Variants in YWHAE observed in about 807,000 individuals in gnomAD.
YWHAE encodes 14-3-3 protein epsilon.
Under a neutral mutation model 30.1 loss-of-function variants are expected in YWHAE, and 4 were observed. The observed-to-expected ratio is 0.13, with a 90% CI of 0.07 to 0.30. The LOEUF (loss-of-function observed/expected upper bound fraction) is 0.30, where lower values mean the gene tolerates loss of function less well. Among genes scored for constraint, YWHAE ranks in the 10% least tolerant of loss-of-function variants. YWHAE has a pLI of 1.00. For synonymous variants in YWHAE, 118 were observed against 111.8 expected (o/e 1.06, Z -0.35); for missense variants, 121 against 315.9 (o/e 0.38, Z 4.68).
chr17:1,366,569 G>A (rs2072946077), intron 1 of YWHAE, among the ~76,000 whole-genome samples: 1 of 152,054 alleles, frequency 6.6e-6, no homozygotes, highest in Non-Finnish European at 1.5e-5. Context: ...ATTTAAATAA[G>A]CATCCTTAGC....
rs1462331941 is a variant in YWHAE, at chr17:1,400,194, G to T, written c.-84C>A. The T allele has an allele frequency of 1.3e-6, 2 of 1,551,672 alleles. No homozygotes were observed. The highest frequency in any genetic ancestry group is 1.8e-6 in the Non-Finnish European group (2 of 1,127,496). On this transcript the variant is annotated 5_prime_UTR_variant, in exon 1 of 6. Coordinates refer to ENST00000264335, the MANE Select transcript of YWHAE (RefSeq NM_006761.5). Reference sequence around the variant, plus strand: ...TCTCTCAGCCTCTCGCTCCGCGTCCGGGCAGCAAAAATGGCGGCGCCTCAA... The same window carrying T: ...TCTCTCAGCCTCTCGCTCCGCGTCCTGGCAGCAAAAATGGCGGCGCCTCAA...
At chr17:1,379,527 C>T (rs770303808) in intron 1 of YWHAE, among the ~76,000 whole-genome samples, 2 of 151,796 alleles carry the variant, frequency 1.3e-5, no homozygotes, top group Non-Finnish European at 2.9e-5. Flanking sequence ...ATTCGAATGA[C>T]GAAAAAAACT....
rs1357591809 is a variant in YWHAE at position 1,361,199 on chromosome 17, A to G, written c.471T>C (p.Asp157=). ...NSLVAYKAAS[D]IAMTELPPTH... is the part of the protein sequence containing the mutation. ...TTGGTGGAAGTTCTGTCATTGCAAT[A>G]TCACTAGCAGCTTTATAAGCCACTA... Residue 157 remains aspartate (D), a synonymous_variant, in exon 4 of 6, where the codon GAT becomes GAC. Coordinates refer to ENST00000264335, the MANE Select transcript of YWHAE (RefSeq NM_006761.5). 6.2e-7 allele frequency: 1 copy of G among 1,613,958 alleles called. No individual in the cohort carries two copies. Among genetic ancestry groups the G allele is most frequent in the African/African-American group, 1.3e-5 (1 of 74,894 alleles).
intron 5 of YWHAE, among the ~76,000 whole-genome samples, chr17:1,349,233 C>G (rs1420809342): frequency 6.6e-6 from 1 of 151,918 alleles, no homozygotes; most frequent in Non-Finnish European, 1.5e-5. Flanking sequence ...CCCAGCAACT[C>G]AGAGAGGACG....
At chr17:1,388,115 TTG>T (rs1567983284) in intron 1 of YWHAE, among the ~76,000 whole-genome samples, 1 of 46,630 alleles carries the variant, frequency 2.1e-5, no homozygotes, top group Non-Finnish European at 3.5e-5. Context: ...TTTTTTTTGG[TTG>T]GTTTTTTTTT....
At chr17:1,348,126 A>T (rs1014244826) in intron 5 of YWHAE, 3 of 331,876 alleles carry the variant, frequency 9.0e-6, no homozygotes, top group Non-Finnish European at 1.3e-5. Flanking sequence ...CTTTGGTCTT[A>T]CTTCGTGTAA....
At chr17:1,373,604 C>G (rs1299033753) in intron 1 of YWHAE, among the ~76,000 whole-genome samples, 51 of 151,200 alleles carry the variant, frequency 3.4e-4, no homozygotes, top group Non-Finnish European at 5.5e-4. Context: ...GGAGGCGGAG[C>G]TTGTAGTGAG....
chr17:1,354,133 A>T (rs2072687742), intron 5 of YWHAE, 78 bp downstream of exon 5: 3 of 1,526,392 alleles, frequency 2.0e-6, no homozygotes, highest in African/African-American at 2.8e-5. Context: ...TATAACGACA[A>T]GCCAAGGAAT....
At position 1,393,766 on chromosome 17, in the gene YWHAE, T is replaced by G. The variant is rs1331983024; in HGVS notation, c.64+6281A>C. On this transcript the variant is annotated intron_variant, in intron 1 of 5. Transcript: ENST00000264335. ...TCTTTTTTTGGTTGTTTTTTTCTTT[T>G]GCTTAAAGAGGTGACATCTGCCTAC... Among the ~76,000 whole-genome samples, 4 of 152,260 alleles carry G rather than the reference T, an allele frequency of 2.6e-5. No homozygotes were observed. In the East Asian group the frequency reaches 5.8e-4, roughly 22 times the overall value.
chr17:1,371,684 C>T (rs1470511912), intron 1 of YWHAE, among the ~76,000 whole-genome samples: 1 of 149,998 alleles, frequency 6.7e-6, no homozygotes, highest in Non-Finnish European at 1.5e-5. Flanking sequence ...TGACTTCTCT[C>T]TAGTTAAGTG....
At chr17:1,368,282 G>A (rs1485052009) in intron 1 of YWHAE, among the ~76,000 whole-genome samples, 3 of 151,956 alleles carry the variant, frequency 2.0e-5, no homozygotes, top group Non-Finnish European at 4.4e-5. Flanking sequence ...AGGCTGAGGC[G>A]AGAGAATTGC....
intron 3 of YWHAE, 177 bp downstream of exon 3, chr17:1,361,725 G>C (rs1399252592): frequency 1.9e-6 from 1 of 524,868 alleles, no homozygotes; most frequent in Admixed American, 3.7e-5. Context: ...ATATAAATAA[G>C]CAAAAGCTAA....
At chr17:1,354,113 T>C (rs2072687068) in intron 5 of YWHAE, 98 bp downstream of exon 5, 1 of 1,451,546 alleles carries the variant, frequency 6.9e-7, no homozygotes, top group East Asian at 2.3e-5. Context: ...GAATCTAAAT[T>C]CTAGCTTGAT....
At chr17:1,396,186 G>A (rs1454950194) in intron 1 of YWHAE, among the ~76,000 whole-genome samples, 2 of 152,036 alleles carry the variant, frequency 1.3e-5, no homozygotes, top group South Asian at 2.1e-4. Flanking sequence ...TTGGGAGACT[G>A]AGGTGGGCGG....
At chr17:1,389,716 G>A (rs914414417) in intron 1 of YWHAE, among the ~76,000 whole-genome samples, 52 of 151,552 alleles carry the variant, frequency 3.4e-4, no homozygotes, top group Admixed American at 5.9e-4. Flanking sequence ...ATTTTTAGTA[G>A]AGACAGGGTT....
At chr17:1,377,166 G>A (rs558183922) in intron 1 of YWHAE, among the ~76,000 whole-genome samples, 37 of 152,050 alleles carry the variant, frequency 2.4e-4, no homozygotes, top group African/African-American at 8.4e-4. Context: ...CACCTGCCTC[G>A]GCCTCCCTAG....
At chr17:1,370,691 A>T (rs2073027589) in intron 1 of YWHAE, among the ~76,000 whole-genome samples, 2 of 152,072 alleles carry the variant, frequency 1.3e-5, no homozygotes, top group Non-Finnish European at 2.9e-5. Flanking sequence ...TGCTGTGTTA[A>T]CAGGCATAAA....
chr17:1,354,787 C>T (rs752461793), intron 4 of YWHAE, among the ~76,000 whole-genome samples: 7 of 151,890 alleles, frequency 4.6e-5, no homozygotes, highest in Non-Finnish European at 7.4e-5. Flanking sequence ...CTCAGCCTCC[C>T]GAATGGCTGG....
intron 1 of YWHAE, among the ~76,000 whole-genome samples, chr17:1,385,787 A>C (rs1169941430): frequency 6.6e-6 from 1 of 152,126 alleles, no homozygotes; most frequent in African/African-American, 2.4e-5. Context: ...TAAAGACAAC[A>C]CTATTCAGAG....
Sources: gnomAD v4.1 joint callset for allele counts (sites outside exome capture counted in the v4.1 genomes callset) on GRCh38, gnomAD v4.1.1 for gene constraint, MANE v1.5 for transcripts, NCBI Gene and HGNC (gene_info 2026-07-23, HGNC 2026-07-21) for gene names.